Variants in CDKL5 observed in about 807,000 individuals in gnomAD.
The protein encoded by CDKL5 is cyclin dependent kinase like 5.
In CDKL5, 8 loss-of-function variants were observed where a neutral mutation model predicts 61.7. The observed-to-expected ratio is 0.13, with a 90% CI of 0.08 to 0.23. The LOEUF is 0.23. Among genes scored for constraint, CDKL5 ranks in the 10% least tolerant of loss-of-function variants. The pLI is 1.00. For synonymous variants in CDKL5, 275 were observed against 272.3 expected (o/e 1.01, Z -0.10); for missense variants, 440 against 734.5 (o/e 0.60, Z 4.63).
Position 18,629,543 on chromosome X carries a change from A to AT in CDKL5, c.*789dup, listed in dbSNP as rs1252583821. The AT allele has an allele frequency of 1.4e-6, 1 of 720,515 alleles. No homozygotes were observed. Among genetic ancestry groups the AT allele is most frequent in the African/African-American group, 2.4e-5 (1 of 42,370 alleles). 59.4% of individuals were successfully genotyped at this position (720,515 alleles called of 1,213,427 possible). On this transcript the variant is annotated 3_prime_UTR_variant, in exon 18 of 18. Transcript: ENST00000623535. ...GACACTATCTGCCATATTTTTATAC[A>AT]TTTGTGATATGAAGTGAGTATTATA...
chrX:18,513,903 TGTAAA>T (rs764638259), intron 3 of CDKL5, among the ~76,000 whole-genome samples: 6 of 112,032 alleles, frequency 5.4e-5, no homozygotes, highest in South Asian at 3.7e-4. Flanking sequence ...ATTGTACTTA[TGTAAA>T]GTAATCAGGC....
At chrX:18,475,421 A>C (rs144257580) in intron 1 of CDKL5, among the ~76,000 whole-genome samples, 2,572 of 110,447 alleles carry the variant, frequency 0.023, 78 homozygotes, top group African/African-American at 0.08. Flanking sequence ...CAGCCTCCTG[A>C]GTAGCTGGGA....
At chrX:18,509,245 A>ACACACCC (rs796171313) in intron 2 of CDKL5, among the ~76,000 whole-genome samples, 3 of 95,350 alleles carry the variant, frequency 3.1e-5, no homozygotes, top group Admixed American at 2.5e-4. Flanking sequence ...ACACACACAC[A>ACACACCC]CCCCTGTCAA....
At chrX:18,490,058 C>T (rs750091767) in intron 1 of CDKL5, among the ~76,000 whole-genome samples, 4 of 111,622 alleles carry the variant, frequency 3.6e-5, no homozygotes, top group Non-Finnish European at 5.6e-5. Context: ...TCAAAATCAT[C>T]GAGGTGCTGG....
intron 3 of CDKL5, among the ~76,000 whole-genome samples, chrX:18,551,183 A>G (rs375067453): frequency 1.6e-4 from 18 of 111,586 alleles, no homozygotes; most frequent in East Asian, 5.6e-4. Flanking sequence ...TACCGAATCT[A>G]TAATATGAAC....
intron 12 of CDKL5, 100 bp downstream of exon 12, chrX:18,604,968 G>T: frequency 3.0e-6 from 3 of 998,200 alleles, no homozygotes; most frequent in Non-Finnish European, 4.2e-6. Context: ...ACTACAGGAG[G>T]TTGTGCTTTT....
At chrX:18,616,698 T>G (rs1264605861) in intron 15 of CDKL5, among the ~76,000 whole-genome samples, 3 of 111,865 alleles carry the variant, frequency 2.7e-5, no homozygotes, top group Admixed American at 1.9e-4. Flanking sequence ...CCAGCCTTCT[T>G]TTTCTCGTAA....
intron 1 of CDKL5, among the ~76,000 whole-genome samples, chrX:18,464,500 T>A (rs1243817028): frequency 8.9e-6 from 1 of 112,265 alleles, no homozygotes; most frequent in Non-Finnish European, 1.9e-5. Context: ...TGCTAACATA[T>A]TAAGGATATT....
chrX:18,574,280 T>C (rs1414221983), intron 4 of CDKL5, among the ~76,000 whole-genome samples: 3 of 111,981 alleles, frequency 2.7e-5, no homozygotes, highest in South Asian at 3.7e-4. Context: ...GCACAACATA[T>C]GAATGTTCAT....
intron 1 of CDKL5, among the ~76,000 whole-genome samples, chrX:18,466,155 C>A (rs1932398164): frequency 9.0e-6 from 1 of 111,339 alleles, no homozygotes; most frequent in African/African-American, 3.3e-5. Flanking sequence ...TACCTGTTCT[C>A]AGTGAAGAGA....
chrX:18,646,195 A>G (rs1365760554), intron 20 of CDKL5: 3 of 1,138,689 alleles, frequency 2.6e-6, no homozygotes, highest in Non-Finnish European at 3.5e-6. Flanking sequence ...TCTGTCGCCC[A>G]GGCTGGTGTG....
intron 8 of CDKL5, among the ~76,000 whole-genome samples, chrX:18,585,449 T>G (rs1162767578): frequency 9.0e-6 from 1 of 111,516 alleles, no homozygotes; most frequent in Non-Finnish European, 1.9e-5. Flanking sequence ...CCATTTTTGT[T>G]CTGAACAGTG....
intron 8 of CDKL5, chrX:18,587,706 CTATT>C (rs1925685549): frequency 5.1e-6 from 2 of 393,247 alleles, no homozygotes; most frequent in African/African-American, 2.5e-5. Flanking sequence ...AGATACATAT[CTATT>C]TATGTGAATA....
intron 3 of CDKL5, among the ~76,000 whole-genome samples, chrX:18,549,827 C>G (rs904827147): frequency 3.6e-5 from 4 of 111,510 alleles, no homozygotes; most frequent in Non-Finnish European, 7.5e-5. Context: ...GCCCCATCCC[C>G]CTCTTGTAAC....
rs1249309491 is a variant in CDKL5, at chrX:18,628,508, C to G, written c.2634C>G (p.Pro878=). ...KNSFSEIRIH[P]LSQASGGSSN... ...CCTTCTCAGAAATTCGGATTCACCC[C>G]CTGAGCCAGGCCTCTGGCGGGAGCA... The change falls in exon 18 of 18, where the codon CCC becomes CCG. Residue 878 remains proline (P), a synonymous_variant. Transcript: ENST00000623535. The G allele has an allele frequency of 8.3e-7, 1 of 1,210,520 alleles. No homozygotes were observed. Among genetic ancestry groups the G allele is most frequent in the African/African-American group, 1.7e-5 (1 of 57,323 alleles).
At chrX:18,581,747 G>A (rs778608307) in intron 6 of CDKL5, 144 bp from the exon 7 acceptor site, 156 of 404,463 alleles carry the variant, frequency 3.9e-4, no homozygotes, top group African/African-American at 3.7e-3. Context: ...AGCATAAAAT[G>A]TGTTACTTTA....
At position 18,486,347 on chromosome X, in the gene CDKL5, A is replaced by G. The variant is rs144982633; in HGVS notation, c.-162-20588A>G. On this transcript the variant is annotated intron_variant, in intron 1 of 17. Coordinates refer to ENST00000623535, the MANE Select transcript of CDKL5 (RefSeq NM_001323289.2). ...TTTCTAGTATCTCTTCACATTGGAA[A>G]GCAGGAAGACTTTGTTATATGTGAT... Among the ~76,000 whole-genome samples, 476 of 112,000 alleles carry G rather than the reference A, an allele frequency of 4.3e-3. 3 individuals are homozygous for G. Among genetic ancestry groups the G allele is most frequent in the Middle Eastern group, 9.2e-3 (2 of 218 alleles).
intron 2 of CDKL5, among the ~76,000 whole-genome samples, chrX:18,509,197 G>GCACGCGCGCGCGCGCGCGCGCACA (rs1204561636): frequency 3.1e-5 from 2 of 64,308 alleles, no homozygotes; most frequent in East Asian, 1.4e-3. Context: ...CTCAAAACAC[G>GCACGCGCGCGCGCGCGCGCGCACA]CACACACACA....
intron 11 of CDKL5, among the ~76,000 whole-genome samples, chrX:18,601,806 T>G (rs1023738309): frequency 3.6e-5 from 4 of 112,552 alleles, no homozygotes; most frequent in Non-Finnish European, 5.6e-5. Flanking sequence ...ACAGTGTTTC[T>G]AAGAGTTCCA....
Sources: gnomAD v4.1 joint callset for allele counts (sites outside exome capture counted in the v4.1 genomes callset) on GRCh38, gnomAD v4.1.1 for gene constraint, MANE v1.5 for transcripts, NCBI Gene and HGNC (gene_info 2026-07-23, HGNC 2026-07-21) for gene names.